Variants in PLCE1 observed in about 807,000 individuals in gnomAD.
PLCE1 encodes 1-phosphatidylinositol 4,5-bisphosphate phosphodiesterase epsilon-1.
PLCE1 carries 119 observed loss-of-function variants against 242.8 expected under a neutral mutation model. The observed-to-expected ratio is 0.49, with a 90% confidence interval of 0.42 to 0.57. The LOEUF is 0.57. Ranked by LOEUF, PLCE1 falls within the 20% of genes least tolerant of loss-of-function variation. The pLI is 0.00. For synonymous variants in PLCE1, 945 were observed against 1,017.4 expected (o/e 0.93, Z 1.35); for missense variants, 2,441 against 2,788.8 (o/e 0.88, Z 2.81).
At chr10:94,202,692 G>C (rs2049023399) in intron 4 of PLCE1, among the ~76,000 whole-genome samples, 1 of 152,196 alleles carries the variant, frequency 6.6e-6, no homozygotes, top group Non-Finnish European at 1.5e-5. Context: ...TGGCTACAAG[G>C]TGTGTCCGTG....
At chr10:94,150,840 A>C (rs2047252782) in intron 3 of PLCE1, among the ~76,000 whole-genome samples, 1 of 152,166 alleles carries the variant, frequency 6.6e-6, no homozygotes, top group Non-Finnish European at 1.5e-5. Flanking sequence ...TGGAGGAAGC[A>C]TCTGCAGTGA....
chr10:94,318,500 T>C (rs183664700), intron 29 of PLCE1, among the ~76,000 whole-genome samples: 2 of 152,300 alleles, frequency 1.3e-5, no homozygotes, highest in Non-Finnish European at 2.9e-5. Flanking sequence ...AGGAAATAGA[T>C]TCAGAGAGGT....
chr10:94,158,848 C>CT (rs1167078560), intron 3 of PLCE1, among the ~76,000 whole-genome samples: 1 of 113,182 alleles, frequency 8.8e-6, no homozygotes. Context: ...TTTTCTTCTT[C>CT]TTTTTCTTTT....
intron 2 of PLCE1, among the ~76,000 whole-genome samples, chr10:94,103,318 G>A (rs944013960): frequency 5.3e-5 from 8 of 152,220 alleles, no homozygotes; most frequent in African/African-American, 1.4e-4. Flanking sequence ...CCTGACTCCA[G>A]TGTTTGTGCT....
intron 4 of PLCE1, among the ~76,000 whole-genome samples, chr10:94,186,636 A>T (rs2048487023): frequency 6.6e-6 from 1 of 152,244 alleles, no homozygotes; most frequent in African/African-American, 2.4e-5. Context: ...GAGACTATTC[A>T]TCGGGTTGGC....
chr10:94,161,826 T>A lies in PLCE1; in HGVS notation c.1493-9354T>A, dbSNP rs554031098. Among the ~76,000 whole-genome samples, 1,014 of 152,160 alleles carry A rather than the reference T, an allele frequency of 6.7e-3. 59 individuals carry two copies. Among genetic ancestry groups the A allele is most frequent in the Admixed American group, 0.062 (946 of 15,266 alleles). ...ATAGCTCTTATTATTTTGAGATACG[T>A]CCCATCAATACCTAATTTATTGAGA... On this transcript the variant is annotated intron_variant, in intron 3 of 32. Transcript: ENST00000371380.
At chr10:94,045,960 C>A in intron 2 of PLCE1, among the ~76,000 whole-genome samples, 1 of 82,930 alleles carries the variant, frequency 1.2e-5, no homozygotes. Flanking sequence ...ATTAGCCAGG[C>A]GTGGTAAAAA....
intron 4 of PLCE1, among the ~76,000 whole-genome samples, chr10:94,217,235 A>G (rs907453913): frequency 2.0e-5 from 3 of 151,916 alleles, no homozygotes; most frequent in African/African-American, 7.3e-5. Context: ...GGATAGGATA[A>G]GCAGCGTCCC....
intron 4 of PLCE1, among the ~76,000 whole-genome samples, chr10:94,187,336 G>A (rs1484381503): frequency 6.6e-6 from 1 of 152,104 alleles, no homozygotes; most frequent in Non-Finnish European, 1.5e-5. Flanking sequence ...ACATGATATG[G>A]GATGTCAGTA....
At chr10:94,175,731 C>G (rs560266667) in intron 4 of PLCE1, among the ~76,000 whole-genome samples, 2 of 152,244 alleles carry the variant, frequency 1.3e-5, no homozygotes, top group African/African-American at 4.8e-5. Flanking sequence ...TACTACCTTT[C>G]TCACCCTGTA....
At chr10:94,293,745 A>C in intron 23 of PLCE1, 106 bp downstream of exon 23, 1 of 1,278,222 alleles carries the variant, frequency 7.8e-7, no homozygotes, top group Non-Finnish European at 1.1e-6. Flanking sequence ...CTTTTTCCTG[A>C]ACATTAATAT....
intron 3 of PLCE1, chr10:94,137,936 C>A: frequency 2.6e-6 from 1 of 389,142 alleles, no homozygotes; most frequent in Non-Finnish European, 5.1e-6. Context: ...GACCAAGTAC[C>A]ACAGTGATGA....
chr10:94,179,512 G>GTTTTTTTTTGTTTTTTTT (rs750384818), intron 4 of PLCE1, among the ~76,000 whole-genome samples: 1 of 19,398 alleles, frequency 5.2e-5, no homozygotes, highest in Non-Finnish European at 1.0e-4. Flanking sequence ...TTTTAGTTTA[G>GTTTTTTTTTGTTTTTTTT]TTTTTTTTTT....
chr10:94,264,744 A>G (rs1445541965), intron 14 of PLCE1, among the ~76,000 whole-genome samples: 1 of 151,144 alleles, frequency 6.6e-6, no homozygotes, highest in East Asian at 1.9e-4. Context: ...CTGGTCTCGA[A>G]CTCCTGACCT....
chr10:94,286,498 CAGTT>C (rs1243940462), intron 22 of PLCE1, among the ~76,000 whole-genome samples: 1 of 152,038 alleles, frequency 6.6e-6, no homozygotes, highest in Non-Finnish European at 1.5e-5. Flanking sequence ...TTTAAAATCA[CAGTT>C]AGGTAATAGT....
intron 1 of PLCE1, among the ~76,000 whole-genome samples, chr10:94,023,275 C>T (rs914173622): frequency 6.6e-6 from 1 of 152,158 alleles, no homozygotes; most frequent in African/African-American, 2.4e-5. Flanking sequence ...CTGCATAACT[C>T]TTCTTTGGGG....
intron 22 of PLCE1, chr10:94,287,136 T>C (rs1233527694): frequency 1.3e-5 from 2 of 152,252 alleles, no homozygotes; most frequent in Non-Finnish European, 2.9e-5. Context: ...GTTCGGCTTA[T>C]TTTAAAAATT....
chr10:94,087,336 C>T (rs554425156), intron 2 of PLCE1, among the ~76,000 whole-genome samples: 21 of 120,752 alleles, frequency 1.7e-4, no homozygotes, highest in Middle Eastern at 5.6e-3. Context: ...GATGACAGAG[C>T]GAGACCCTGT....
intron 1 of PLCE1, among the ~76,000 whole-genome samples, chr10:94,029,373 T>G (rs562240913): frequency 6.1e-4 from 93 of 152,308 alleles, no homozygotes; most frequent in African/African-American, 2.1e-3. Flanking sequence ...TGGTGTGCTT[T>G]GAATTTTTAA....
Sources: allele counts gnomAD v4.1 joint callset (sites outside exome capture counted in the v4.1 genomes callset), GRCh38; gene constraint gnomAD v4.1.1; transcripts MANE v1.5; gene names NCBI Gene and HGNC (gene_info 2026-07-23, HGNC 2026-07-21).